PCLO: variants seen among roughly 807,000 people sequenced by gnomAD.
PCLO encodes piccolo presynaptic cytomatrix protein, also known as protein piccolo.
A neutral mutation model predicts 427.5 loss-of-function variants in PCLO; 82 were observed. The observed-to-expected ratio is 0.19, with a 90% confidence interval of 0.16 to 0.23. PCLO has a LOEUF of 0.23. Ranked by LOEUF, PCLO falls within the 10% of genes least tolerant of loss-of-function variation. The pLI is 1.00. For missense variants in PCLO, 6,239 were observed against 6,115.9 expected, an observed-to-expected ratio of 1.02 and a Z score of -0.67; for synonymous variants, 2,357 against 2,155.4, an observed-to-expected ratio of 1.09 and a Z score of -2.59.
In PCLO at chr7:82,916,394, G is replaced by A. The variant is rs1223016163; in HGVS notation, c.11592C>T (p.Phe3864=). 3 of 1,613,612 alleles carry A rather than the reference G, an allele frequency of 1.9e-6. No individual in the cohort carries two copies. Among genetic ancestry groups the A allele is most frequent in the African/African-American group, 1.3e-5 (1 of 74,876 alleles). The change falls in exon 7 of 25, where the codon TTC becomes TTT. Residue 3864 remains phenylalanine (F), a synonymous_variant. Coordinates refer to ENST00000333891, the MANE Select transcript of PCLO (RefSeq NM_033026.6). ...ERPRTAPQTE[F]SQFIPPQTQT... ...GGGTTTGTGGTGGTATAAACTGGCTGAATTCAGTTTGGGGAGCAGTTCTTG... is the reference window on the plus strand; with the variant it reads ...GGGTTTGTGGTGGTATAAACTGGCTAAATTCAGTTTGGGGAGCAGTTCTTG...
intron 3 of PCLO, among the ~76,000 whole-genome samples, chr7:83,077,613 G>C (rs1326466175): frequency 6.6e-6 from 1 of 152,024 alleles, no homozygotes; most frequent in African/African-American, 2.4e-5. Flanking sequence ...CATTATTTTA[G>C]TAATAAAGGC....
chr7:82,788,686 C>T (rs1040100708), intron 22 of PCLO, among the ~76,000 whole-genome samples: 1 of 152,040 alleles, frequency 6.6e-6, no homozygotes, highest in Non-Finnish European at 1.5e-5. Flanking sequence ...TTCTTCTAGA[C>T]TTGTCTGCCA....
At chr7:83,008,845 T>C (rs890656061) in intron 3 of PCLO, among the ~76,000 whole-genome samples, 5 of 151,650 alleles carry the variant, frequency 3.3e-5, no homozygotes, top group Non-Finnish European at 7.4e-5. Context: ...TCATTATGTA[T>C]GTATAATGAT....
chr7:83,136,107 A>T (rs1217102669), intron 2 of PCLO, among the ~76,000 whole-genome samples: 1 of 151,960 alleles, frequency 6.6e-6, no homozygotes, highest in Non-Finnish European at 1.5e-5. Context: ...CAAAAAAAAA[A>T]AATTATATAT....
In PCLO at chr7:82,953,223, G is replaced by T; in HGVS notation, c.7730C>A (p.Thr2577Lys). ...KSSPRFSKSL[T>K]ETYVVITLPS... ...CAATGTAATAACTACATAAGTTTCT[G>T]TGAGGGATTTGGAAAATCTTGGTGA... Residue 2577 changes from threonine to lysine, a missense_variant, in exon 5 of 25, where the codon ACA (threonine) becomes AAA (lysine). Around this residue, in one of 5 missense-constraint regions of PCLO, gnomAD observed 4,677 missense variants for 4,468.4 expected, o/e 1.05. Transcript: ENST00000333891. 1 of 1,613,966 alleles carries T rather than the reference G, an allele frequency of 6.2e-7. No homozygotes were observed. Among genetic ancestry groups the T allele is most frequent in the Non-Finnish European group, 8.5e-7 (1 of 1,179,866 alleles).
chr7:83,027,599 C>A (rs1353835776), intron 3 of PCLO, among the ~76,000 whole-genome samples: 1 of 150,002 alleles, frequency 6.7e-6, no homozygotes, highest in African/African-American at 2.4e-5. Context: ...CTCCCTAACT[C>A]ATTTTATGAG....
chr7:83,009,498 T>C (rs1211316222), intron 3 of PCLO, among the ~76,000 whole-genome samples: 2 of 151,786 alleles, frequency 1.3e-5, no homozygotes, highest in African/African-American at 2.4e-5. Flanking sequence ...AAGGAGATAA[T>C]AGCTTGCTTT....
chr7:83,018,346 GTTGTA>G (rs1305006191), intron 3 of PCLO, among the ~76,000 whole-genome samples: 1 of 151,946 alleles, frequency 6.6e-6, no homozygotes, highest in Non-Finnish European at 1.5e-5. Flanking sequence ...AAATAAATAT[GTTGTA>G]TTAAGAGTAC....
intron 8 of PCLO, among the ~76,000 whole-genome samples, chr7:82,906,160 T>C (rs946276974): frequency 6.6e-6 from 1 of 151,388 alleles, no homozygotes; most frequent in African/African-American, 2.5e-5. Context: ...TATGATTGTG[T>C]GTCTAATAAA....
At chr7:83,040,662 C>T (rs1160169043) in intron 3 of PCLO, among the ~76,000 whole-genome samples, 2 of 152,114 alleles carry the variant, frequency 1.3e-5, no homozygotes, top group East Asian at 3.9e-4. Context: ...CAATCATCTC[C>T]CCATTGTCTT....
intron 3 of PCLO, among the ~76,000 whole-genome samples, chr7:83,118,405 A>G (rs2116550709): frequency 6.6e-6 from 1 of 152,222 alleles, no homozygotes; most frequent in South Asian, 2.1e-4. Context: ...CAATAATAGT[A>G]CCTGATTTTA....
chr7:82,992,335 G>T (rs1434514884), intron 3 of PCLO, among the ~76,000 whole-genome samples: 1 of 152,048 alleles, frequency 6.6e-6, no homozygotes, highest in Non-Finnish European at 1.5e-5. Flanking sequence ...CCCTCTCTGT[G>T]CCTGCTGCTC....
chr7:82,957,059 T>A, intron 4 of PCLO, 124 bp from the exon 5 acceptor site: 1 of 1,033,828 alleles, frequency 9.7e-7, no homozygotes, highest in Non-Finnish European at 1.3e-6. Flanking sequence ...TTCAACCATA[T>A]CTCAGTATTT....
chr7:83,096,988 TA>T (rs1286946679), intron 3 of PCLO, among the ~76,000 whole-genome samples: 1 of 39,984 alleles, frequency 2.5e-5, no homozygotes, highest in Non-Finnish European at 3.6e-5. Context: ...ATTATATAAA[TA>T]ATATATATTA....
chr7:82,956,518 A>G lies in PCLO; in HGVS notation c.4435T>C (p.Phe1479Leu), dbSNP rs1383268241. The G allele has an allele frequency of 6.2e-7, 1 of 1,612,732 alleles. No individual in the cohort carries two copies. The highest frequency in any genetic ancestry group is 1.3e-5 in the African/African-American group (1 of 74,882). ...KESQEERKDTFKKDSQQDIPS... is the reference protein window; with the variant it reads ...KESQEERKDTLKKDSQQDIPS... The stretch of plus-strand genomic sequence containing the variant: ...ATATCTTGTTGGCTATCTTTTTTAA[A>G]AGTGTCTTTCCTTTCTTCTTGACTC... The change falls in exon 5 of 25, where the codon TTT becomes CTT. Residue 1479 changes from phenylalanine (F) to leucine (L), a missense_variant. Phe to Leu is a conservative substitution (Grantham distance 22). This residue lies in a region of PCLO where 4,677 missense variants were observed against 4,468.4 expected (regional missense o/e 1.05). Transcript: ENST00000333891.
chr7:82,981,625 T>C (rs58685014), intron 3 of PCLO, among the ~76,000 whole-genome samples: 6,916 of 152,210 alleles, frequency 0.045, 556 homozygotes, highest in African/African-American at 0.16. Context: ...ACCTTTGCAA[T>C]AATTGTTTCA....
chr7:83,053,355 A>C (rs1477905585), intron 3 of PCLO, among the ~76,000 whole-genome samples: 1 of 152,000 alleles, frequency 6.6e-6, no homozygotes, highest in Non-Finnish European at 1.5e-5. Context: ...CTATCCTTGC[A>C]AACTAAATGT....
At chr7:82,881,086 G>A (rs940881504) in intron 9 of PCLO, among the ~76,000 whole-genome samples, 3 of 152,268 alleles carry the variant, frequency 2.0e-5, no homozygotes, top group African/African-American at 4.8e-5. Context: ...GGCTAAAAGT[G>A]TAGTTGCAGG....
chr7:82,953,519 T>C lies in PCLO; in HGVS notation c.7434A>G (p.Ile2478Met), dbSNP rs1378328321. The C allele has an allele frequency of 6.2e-7, 1 of 1,613,408 alleles. No individual in the cohort carries two copies. The highest frequency in any genetic ancestry group is 1.3e-5 in the African/African-American group (1 of 74,790). Residue 2478 changes from isoleucine to methionine, a missense_variant, in exon 5 of 25, where the codon ATA becomes ATG. Coordinates refer to ENST00000333891, the MANE Select transcript of PCLO (RefSeq NM_033026.6). ...LRSNGLPVTRICTTAPPPVPP... is the reference protein window; with the variant it reads ...LRSNGLPVTRMCTTAPPPVPP... ...GAACAGGAGGAGGTGCAGTAGTACA[T>C]ATTCTTGTAACAGGTAATCCATTAC...
Sources: allele counts gnomAD v4.1 joint callset (sites outside exome capture counted in the v4.1 genomes callset), GRCh38; gene constraint gnomAD v4.1.1; regional missense constraint gnomAD v4.1.1; transcripts MANE v1.5; gene names NCBI Gene and HGNC (gene_info 2026-07-23, HGNC 2026-07-21).